The following PRR16 variants were observed in gnomAD, a reference collection of about 807,000 sequenced individuals.
The protein encoded by PRR16 is proline rich 16, also known as protein Largen.
PRR16 carries 6 observed loss-of-function variants against 18.2 expected under a neutral mutation model. The observed-to-expected ratio is 0.33, with a 90% CI of 0.18 to 0.65. The LOEUF is 0.65. Ranked by LOEUF, PRR16 falls within the 30% of genes least tolerant of loss-of-function variation. The pLI is 0.74. For missense variants in PRR16, 412 were observed against 376.6 expected, an observed-to-expected ratio of 1.09 and a Z score of -0.78; for synonymous variants, 151 against 147.8, an observed-to-expected ratio of 1.02 and a Z score of -0.16.
chr5:120,557,772 G>C (rs908357165), intron 1 of PRR16, among the ~76,000 whole-genome samples: 1 of 151,824 alleles, frequency 6.6e-6, no homozygotes, highest in Non-Finnish European at 1.5e-5. Flanking sequence ...ATATCTGATA[G>C]ATTATTGACA....
At chr5:120,576,042 A>G (rs781483393) in intron 1 of PRR16, among the ~76,000 whole-genome samples, 5 of 152,190 alleles carry the variant, frequency 3.3e-5, no homozygotes, top group Non-Finnish European at 7.4e-5. Context: ...TGGATTAAAG[A>G]CTTAAATGGA....
the PRR16 span, among the ~76,000 whole-genome samples, chr5:120,765,694 A>G: frequency 2.0e-5 from 3 of 152,004 alleles, no homozygotes; most frequent in South Asian, 6.2e-4. Flanking sequence ...TCTCAAACTA[A>G]ACATAGTATG....
At chr5:120,502,912 T>C (rs2112845613) in intron 1 of PRR16, among the ~76,000 whole-genome samples, 1 of 152,298 alleles carries the variant, frequency 6.6e-6, no homozygotes, top group East Asian at 1.9e-4. Flanking sequence ...AATGAGCTCC[T>C]TTGGCCATTC....
intron 1 of PRR16, among the ~76,000 whole-genome samples, chr5:120,474,587 A>G (rs1350562879): frequency 6.9e-5 from 9 of 129,900 alleles, no homozygotes; most frequent in African/African-American, 2.4e-4. Context: ...TGTATTTGCT[A>G]TCTTTTTTTT....
intron 1 of PRR16, among the ~76,000 whole-genome samples, chr5:120,497,492 C>T (rs529005807): frequency 6.1e-5 from 9 of 148,594 alleles, no homozygotes; most frequent in East Asian, 5.9e-4. Flanking sequence ...CTGGTTCACA[C>T]GATTCTCCTG....
chr5:120,617,738 T>C (rs1457158828), intron 1 of PRR16, among the ~76,000 whole-genome samples: 1 of 152,180 alleles, frequency 6.6e-6, no homozygotes, highest in Admixed American at 6.6e-5. Context: ...CAATAGTCTT[T>C]TTTTAAAGAT....
chr5:120,766,119 C>A, the PRR16 span, among the ~76,000 whole-genome samples: 1 of 151,886 alleles, frequency 6.6e-6, no homozygotes, highest in African/African-American at 2.4e-5. Flanking sequence ...GTATTATACA[C>A]AAAAAATGGA....
At chr5:120,754,413 CTATATATTATATAATATATAGTATATAG>C in the PRR16 span, among the ~76,000 whole-genome samples, 45 of 24,196 alleles carry the variant, frequency 1.9e-3, 1 homozygote, top group East Asian at 0.03. Flanking sequence ...ATACTATATA[CTATATATTATATAATATATAGTATATAG>C]TATATATTAT....
chr5:120,645,492 G>T (rs1755560787), intron 1 of PRR16, among the ~76,000 whole-genome samples: 1 of 151,540 alleles, frequency 6.6e-6, no homozygotes, highest in Non-Finnish European at 1.5e-5. Flanking sequence ...GCTATTAGGG[G>T]CAAAAGTCAT....
chr5:120,608,979 AAATT>A (rs1414499022), intron 1 of PRR16, among the ~76,000 whole-genome samples: 15 of 152,314 alleles, frequency 9.8e-5, no homozygotes, highest in Admixed American at 6.5e-4. Context: ...TCTGTTAAGA[AAATT>A]AATCCTTGAA....
the PRR16 span, among the ~76,000 whole-genome samples, chr5:120,759,513 G>A: frequency 6.6e-5 from 10 of 152,132 alleles, no homozygotes; most frequent in African/African-American, 2.2e-4. Flanking sequence ...GGCTTCCATG[G>A]GCTCAGGAGG....
the PRR16 span, among the ~76,000 whole-genome samples, chr5:120,770,722 G>A: frequency 6.6e-6 from 1 of 151,962 alleles, no homozygotes; most frequent in Non-Finnish European, 1.5e-5. Flanking sequence ...TACAACTCAA[G>A]TAGACAAATA....
At chr5:120,486,328 T>G (rs1428252601) in intron 1 of PRR16, among the ~76,000 whole-genome samples, 4 of 151,884 alleles carry the variant, frequency 2.6e-5, no homozygotes, top group East Asian at 1.9e-4. Context: ...CCTGACTTTT[T>G]AATGATTGCC....
intron 1 of PRR16, among the ~76,000 whole-genome samples, chr5:120,503,926 C>T (rs564619224): frequency 6.6e-6 from 1 of 151,684 alleles, no homozygotes; most frequent in African/African-American, 2.4e-5. Flanking sequence ...TACTGAGAAT[C>T]ATGATTTCCA....
chr5:120,574,709 T>G (rs1321338935), intron 1 of PRR16, among the ~76,000 whole-genome samples: 1 of 149,354 alleles, frequency 6.7e-6, no homozygotes, highest in Non-Finnish European at 1.5e-5. Context: ...AAAACCACTT[T>G]ATAATATTTG....
chr5:120,580,518 G>A (rs575003191), intron 1 of PRR16, among the ~76,000 whole-genome samples: 47 of 145,340 alleles, frequency 3.2e-4, no homozygotes, highest in African/African-American at 9.5e-4. Flanking sequence ...GCAGTGGTGC[G>A]ATCTCGGCTC....
At chr5:120,775,796 A>ATTTTTTTTTTTTTTTT in the PRR16 span, among the ~76,000 whole-genome samples, 1 of 80,618 alleles carries the variant, frequency 1.2e-5, no homozygotes, top group African/African-American at 4.3e-5. Flanking sequence ...ACGCCTGGCT[A>ATTTTTTTTTTTTTTTT]TTTTTTTTTT....
At position 120,489,375 on chromosome 5, in the gene PRR16, CT is replaced by C. The variant is rs201838125; in HGVS notation, c.159+24732del. Among the ~76,000 whole-genome samples, 4 of 151,188 alleles carry C rather than the reference CT, an allele frequency of 2.6e-5. No individual in the cohort carries two copies. In the South Asian group the frequency reaches 8.4e-4, roughly 32 times the overall value. ...TATATATTTAGGATAGTTAGCTCTT[CT>C]TGTTGAATTGATCCCTTTACCATTA... On this transcript the variant is annotated intron_variant, in intron 1 of 1. Coordinates refer to ENST00000407149, the MANE Select transcript of PRR16 (RefSeq NM_001300783.2).
At chr5:120,708,339 C>T in the PRR16 span, among the ~76,000 whole-genome samples, 2 of 152,170 alleles carry the variant, frequency 1.3e-5, no homozygotes, top group Non-Finnish European at 2.9e-5. Flanking sequence ...AAAGTTAAAT[C>T]AAATGTTCTA....
Sources: gnomAD v4.1 joint callset for allele counts (sites outside exome capture counted in the v4.1 genomes callset) on GRCh38, gnomAD v4.1.1 for gene constraint, MANE v1.5 for transcripts, NCBI Gene and HGNC (gene_info 2026-07-23, HGNC 2026-07-21) for gene names.